Variants in DMD observed in about 807,000 individuals in gnomAD.
DMD encodes mutant dystrophin.
In DMD, 63 loss-of-function variants were observed where a neutral mutation model predicts 330.1. That is an observed-to-expected ratio of 0.19 (90% confidence interval 0.16 to 0.24). The LOEUF (loss-of-function observed/expected upper bound fraction) is 0.24. DMD is among the 10% of genes least tolerant of loss of function. The probability of loss-of-function intolerance (pLI) is 1.00; values close to 1 mark genes in which losing one functional copy is unlikely to be tolerated. For synonymous variants in DMD, 1,223 were observed against 959.8 expected, an observed-to-expected ratio of 1.27 and a Z score of -5.07; for missense variants, 3,344 against 2,684.1, an observed-to-expected ratio of 1.25 and a Z score of -5.43.
intron 1 of DMD, among the ~76,000 whole-genome samples, chrX:33,286,634 T>C (rs1422784348): frequency 8.9e-6 from 1 of 112,108 alleles, no homozygotes; most frequent in Non-Finnish European, 1.9e-5. Flanking sequence ...ATACATAATG[T>C]TGTTGTTGTG....
At chrX:32,661,918 G>A (rs1049178929) in intron 9 of DMD, among the ~76,000 whole-genome samples, 3 of 110,917 alleles carry the variant, frequency 2.7e-5, no homozygotes, top group African/African-American at 9.8e-5. Flanking sequence ...GGATTTTGTT[G>A]GTATATAATC....
chrX:33,095,880 T>C (rs1209328293), intron 1 of DMD, among the ~76,000 whole-genome samples: 2 of 110,157 alleles, frequency 1.8e-5, no homozygotes, highest in Non-Finnish European at 1.9e-5. Flanking sequence ...AATAGAAATC[T>C]AATATAAACC....
chrX:31,873,674 T>C (rs769625042), intron 48 of DMD, among the ~76,000 whole-genome samples: 112 of 112,158 alleles, frequency 1.0e-3, no homozygotes, highest in Non-Finnish European at 1.7e-3. Context: ...ATTGGCTACT[T>C]AAAGATTTTG....
chrX:31,644,713 T>C (rs904945344), intron 54 of DMD, among the ~76,000 whole-genome samples: 19 of 112,170 alleles, frequency 1.7e-4, no homozygotes, highest in African/African-American at 6.2e-4. Flanking sequence ...CCAAGGAGTC[T>C]GCAAAATCTT....
chrX:32,975,825 C>A (rs1193132978), intron 2 of DMD, among the ~76,000 whole-genome samples: 1 of 111,445 alleles, frequency 9.0e-6, no homozygotes, highest in South Asian at 3.8e-4. Flanking sequence ...ATTTTCATGC[C>A]ATCACAGGGC....
In DMD at chrX:33,092,936, C is replaced by T. The variant is rs192598565; in HGVS notation, c.32-72736G>A. Among the ~76,000 whole-genome samples, 591 of 110,781 alleles carry T rather than the reference C, an allele frequency of 5.3e-3. 5 individuals are homozygous for T. The highest frequency in any genetic ancestry group is 0.018 in the African/African-American group (561 of 30,472). On this transcript the variant is annotated intron_variant, in intron 1 of 78. Coordinates refer to ENST00000357033, the MANE Select transcript of DMD (RefSeq NM_004006.3). ...TCGCCCAGGCTGGAGTGCAGTGTCA[C>T]GATCTCAGCTCACTGCAACCTCCAC...
At chrX:32,931,443 A>G (rs930380516) in intron 2 of DMD, among the ~76,000 whole-genome samples, 1 of 111,894 alleles carries the variant, frequency 8.9e-6, no homozygotes, top group African/African-American at 3.2e-5. Context: ...ATGCATATTT[A>G]TTACAAATAA....
chrX:33,070,018 G>A (rs970932186), intron 1 of DMD, among the ~76,000 whole-genome samples: 1 of 110,637 alleles, frequency 9.0e-6, no homozygotes. Flanking sequence ...AATTATGCCG[G>A]GATAATTACA....
intron 2 of DMD, among the ~76,000 whole-genome samples, chrX:32,883,537 T>G (rs1258304642): frequency 9.0e-6 from 1 of 110,838 alleles, no homozygotes; most frequent in Non-Finnish European, 1.9e-5. Flanking sequence ...AGAAAATGGC[T>G]TCCATGGCCA....
intron 44 of DMD, among the ~76,000 whole-genome samples, chrX:32,191,372 A>C (rs1030472496): frequency 8.9e-6 from 1 of 112,108 alleles, no homozygotes; most frequent in Non-Finnish European, 1.9e-5. Flanking sequence ...TCAATGTATG[A>C]ACAACTAACT....
intron 1 of DMD, among the ~76,000 whole-genome samples, chrX:33,252,134 T>C (rs1221830024): frequency 8.9e-6 from 1 of 112,045 alleles, no homozygotes; most frequent in African/African-American, 3.2e-5. Context: ...AACAGCGTTT[T>C]CTCGTGTTCA....
intron 2 of DMD, among the ~76,000 whole-genome samples, chrX:32,857,074 C>CA (rs754732939): frequency 0.029 from 2,280 of 77,595 alleles, 35 homozygotes; most frequent in East Asian, 0.068. Context: ...GACTGCGTCT[C>CA]AAAAAAAAAA....
intron 30 of DMD, among the ~76,000 whole-genome samples, chrX:32,402,850 G>A (rs1432600740): frequency 9.0e-6 from 1 of 111,605 alleles, no homozygotes; most frequent in Non-Finnish European, 1.9e-5. Context: ...GTAAACGTAA[G>A]TGGCCAGCAA....
chrX:31,547,825 T>C (rs188998400), intron 55 of DMD, among the ~76,000 whole-genome samples: 1 of 111,836 alleles, frequency 8.9e-6, no homozygotes, highest in East Asian at 2.8e-4. Context: ...TACTCAAAAG[T>C]GGAATATATG....
chrX:31,522,375 A>ATATATATATATATATATATATATATG (rs2072904041), intron 55 of DMD, among the ~76,000 whole-genome samples: 1 of 81,699 alleles, frequency 1.2e-5, no homozygotes, highest in Admixed American at 1.4e-4. Context: ...ATATATATAT[A>ATATATATATATATATATATATATATG]TATATATATA....
At chrX:31,291,708 TAAAG>T (rs1291079195) in intron 62 of DMD, among the ~76,000 whole-genome samples, 1 of 111,769 alleles carries the variant, frequency 8.9e-6, no homozygotes, top group Non-Finnish European at 1.9e-5. Flanking sequence ...ATACCAATCT[TAAAG>T]AAACTCTTCC....
intron 20 of DMD, among the ~76,000 whole-genome samples, chrX:32,488,656 G>C (rs928981293): frequency 1.8e-5 from 2 of 111,421 alleles, no homozygotes; most frequent in African/African-American, 3.3e-5. Flanking sequence ...AGGTGACAAC[G>C]GAATTTGGAT....
At chrX:31,962,130 C>A (rs1444850641) in intron 45 of DMD, among the ~76,000 whole-genome samples, 2 of 110,950 alleles carry the variant, frequency 1.8e-5, no homozygotes, top group African/African-American at 3.3e-5. Context: ...GCCTTCGTTG[C>A]CCTCCTGTAA....
In DMD at chrX:31,268,590, T is replaced by C. The variant is rs779489130; in HGVS notation, c.9225-7574A>G. Among the ~76,000 whole-genome samples the C allele has an allele frequency of 4.6e-3, 515 of 111,791 alleles. 3 individuals are homozygous for C. Among genetic ancestry groups the C allele is most frequent in the Non-Finnish European group, 5.2e-3 (274 of 53,183 alleles). ...TGGCTGAAGTTGTCCCTTGGTCTAA[T>C]AGTATATTCTAGGTCTGCTCCGATC... On this transcript the variant is annotated intron_variant, in intron 62 of 78. Coordinates refer to ENST00000357033, the MANE Select transcript of DMD (RefSeq NM_004006.3).
Sources: allele counts gnomAD v4.1 joint callset (sites outside exome capture counted in the v4.1 genomes callset), GRCh38; gene constraint gnomAD v4.1.1; transcripts MANE v1.5; gene names NCBI Gene and HGNC (gene_info 2026-07-23, HGNC 2026-07-21).